Variants in MECOM observed in about 807,000 individuals in gnomAD.
MECOM encodes the protein MDS1 and EVI1 complex locus, also known as histone-lysine N-methyltransferase MECOM.
MECOM carries 13 observed loss-of-function variants against 116.3 expected under a neutral mutation model. That is an observed-to-expected ratio of 0.11 (90% CI 0.07 to 0.18). MECOM has a LOEUF of 0.18. Ranked by LOEUF, MECOM falls within the 10% of genes least tolerant of loss-of-function variation. The pLI, the probability that MECOM is intolerant of heterozygous loss-of-function variation, is 1.00. For missense variants in MECOM, 1,299 were observed against 1,509.0 expected, an observed-to-expected ratio of 0.86 and a Z score of 2.31; for synonymous variants, 528 against 535.2, an observed-to-expected ratio of 0.99 and a Z score of 0.19.
chr3:169,404,945 C>T (rs1736457904), intron 1 of MECOM, among the ~76,000 whole-genome samples: 1 of 152,156 alleles, frequency 6.6e-6, no homozygotes, highest in Non-Finnish European at 1.5e-5. Context: ...CCTGATATGG[C>T]CTCCTCTCTT....
At chr3:169,598,025 C>G (rs1287142556) in intron 1 of MECOM, among the ~76,000 whole-genome samples, 1 of 152,074 alleles carries the variant, frequency 6.6e-6, no homozygotes, top group Non-Finnish European at 1.5e-5. Flanking sequence ...AGCTTTTGCC[C>G]CTACAGGAAA....
At chr3:169,652,762 G>T (rs1577298969) in intron 1 of MECOM, among the ~76,000 whole-genome samples, 1 of 152,118 alleles carries the variant, frequency 6.6e-6, no homozygotes, top group Non-Finnish European at 1.5e-5. Flanking sequence ...TCATAAAAGT[G>T]CATTTAAATA....
At chr3:169,142,875 C>T (rs1738556346) in intron 3 of MECOM, among the ~76,000 whole-genome samples, 1 of 151,954 alleles carries the variant, frequency 6.6e-6, no homozygotes, top group East Asian at 1.9e-4. Flanking sequence ...GTCTTTGAAA[C>T]ATATTTGATT....
chr3:169,642,446 CAA>C (rs397950899), intron 1 of MECOM, among the ~76,000 whole-genome samples: 22 of 69,436 alleles, frequency 3.2e-4, no homozygotes, highest in Admixed American at 8.2e-4. Context: ...GACTCCATCT[CAA>C]AAAAAAAAAA....
At chr3:169,610,498 C>CGTGTGTGTGT (rs3045470) in intron 1 of MECOM, among the ~76,000 whole-genome samples, 1 of 128,606 alleles carries the variant, frequency 7.8e-6, no homozygotes, top group Non-Finnish European at 1.7e-5. Flanking sequence ...TGTAATGTTA[C>CGTGTGTGTGT]GTGTGTGTGT....
chr3:169,370,535 T>G (rs763743640), intron 2 of MECOM, among the ~76,000 whole-genome samples: 3 of 151,674 alleles, frequency 2.0e-5, no homozygotes, highest in Non-Finnish European at 4.4e-5. Context: ...TGGGACTATA[T>G]CTAACTAAAA....
At chr3:169,595,203 C>T (rs2109682562) in intron 1 of MECOM, among the ~76,000 whole-genome samples, 1 of 152,204 alleles carries the variant, frequency 6.6e-6, no homozygotes, top group East Asian at 1.9e-4. Flanking sequence ...CTTTTGTCTA[C>T]TAATGGATAC....
At chr3:169,108,538 T>C (rs1303219178) in intron 9 of MECOM, among the ~76,000 whole-genome samples, 4 of 152,184 alleles carry the variant, frequency 2.6e-5, no homozygotes, top group Non-Finnish European at 5.9e-5. Context: ...CAAGAGTCAC[T>C]GGGAAAACCT....
At chr3:169,648,801 A>G (rs1353163607) in intron 1 of MECOM, among the ~76,000 whole-genome samples, 1 of 152,250 alleles carries the variant, frequency 6.6e-6, no homozygotes, top group Admixed American at 6.5e-5. Flanking sequence ...ACTATCTTCT[A>G]CTGGATAAAA....
chr3:169,114,890 C>T (rs908033338), intron 8 of MECOM, among the ~76,000 whole-genome samples: 2 of 152,042 alleles, frequency 1.3e-5, no homozygotes, highest in Non-Finnish European at 2.9e-5. Flanking sequence ...ATTTCATTTA[C>T]TTGGGGGCTC....
At chr3:169,601,747 C>T (rs931397320) in intron 1 of MECOM, among the ~76,000 whole-genome samples, 2 of 152,184 alleles carry the variant, frequency 1.3e-5, no homozygotes. Context: ...ATCACATAAA[C>T]TTTCTAAATT....
At chr3:169,132,494 T>TCA (rs35400868) in intron 3 of MECOM, among the ~76,000 whole-genome samples, 145,654 of 152,212 alleles carry the variant, frequency 0.96, 69,727 homozygotes, top group East Asian at 0.99. Flanking sequence ...CATCAGTTTT[T>TCA]TTTCATTCTA....
intron 1 of MECOM, among the ~76,000 whole-genome samples, chr3:169,457,278 C>T (rs934730610): frequency 1.3e-5 from 2 of 152,132 alleles, no homozygotes; most frequent in African/African-American, 4.8e-5. Flanking sequence ...TGTTGAGATA[C>T]CCTAGATGAT....
At chr3:169,646,818 A>C (rs561775955) in intron 1 of MECOM, among the ~76,000 whole-genome samples, 2 of 152,322 alleles carry the variant, frequency 1.3e-5, no homozygotes, top group South Asian at 4.1e-4. Context: ...ATGTCAGGCA[A>C]TGAAGTAATG....
intron 2 of MECOM, among the ~76,000 whole-genome samples, chr3:169,378,445 GAAAGAAGGAAAGCA>G (rs1316708485): frequency 7.8e-4 from 62 of 79,536 alleles, no homozygotes; most frequent in African/African-American, 4.1e-3. Context: ...AAGAAAGAAA[GAAAGAAGGAAAGCA>G]AGCAAGCAAG....
intron 1 of MECOM, among the ~76,000 whole-genome samples, chr3:169,484,371 A>C (rs1235746234): frequency 6.6e-6 from 1 of 151,510 alleles, no homozygotes; most frequent in Non-Finnish European, 1.5e-5. Context: ...GGAAGGTAAA[A>C]GGTAACAAAC....
chr3:169,511,684 G>C (rs1177516118), intron 1 of MECOM, among the ~76,000 whole-genome samples: 1 of 151,932 alleles, frequency 6.6e-6, no homozygotes, highest in Non-Finnish European at 1.5e-5. Context: ...CACTAGAATT[G>C]CTTGAACCCA....
Position 169,317,549 on chromosome 3 carries a change from G to C in MECOM, c.375+63638C>G, listed in dbSNP as rs569516056. Among the ~76,000 whole-genome samples the C allele has an allele frequency of 1.3e-4, 20 of 152,242 alleles. No homozygotes were observed. In the South Asian group the frequency reaches 3.1e-3, roughly 24 times the overall value. ...TCTCCATCCTTCTTTCCTCTCTCCA[G>C]AGTATAATTACTTCAAGAAACGAAA... On this transcript the variant is annotated intron_variant, in intron 2 of 16. Transcript: ENST00000651503.
chr3:169,111,765 G>T (rs1727472481), intron 9 of MECOM, among the ~76,000 whole-genome samples: 1 of 151,790 alleles, frequency 6.6e-6, no homozygotes, highest in Admixed American at 6.6e-5. Context: ...CTTTATTCAG[G>T]ACTCTAGAAA....
Sources: gnomAD v4.1 joint callset for allele counts (sites outside exome capture counted in the v4.1 genomes callset) on GRCh38, gnomAD v4.1.1 for gene constraint, MANE v1.5 for transcripts, NCBI Gene and HGNC (gene_info 2026-07-23, HGNC 2026-07-21) for gene names.